The following THSD4 variants were observed in gnomAD, a reference collection of about 807,000 sequenced individuals.
THSD4 encodes the protein thrombospondin type 1 domain containing 4, also known as thrombospondin type-1 domain-containing protein 4.
In THSD4, 69 loss-of-function variants were observed where a neutral mutation model predicts 119.0. The ratio of observed to expected loss-of-function variants is 0.58; its 90% CI spans 0.48 to 0.71. THSD4 has a LOEUF of 0.71. THSD4 is among the 30% of genes least tolerant of loss of function. THSD4 has a pLI of 0.00. For synonymous variants in THSD4, 524 were observed against 540.4 expected (o/e 0.97, Z 0.42); for missense variants, 1,393 against 1,391.1 (o/e 1.00, Z -0.02).
upstream of THSD4, among the ~76,000 whole-genome samples, chr15:71,113,373 T>C (rs1403512819): frequency 6.6e-6 from 1 of 152,230 alleles, no homozygotes; most frequent in Non-Finnish European, 1.5e-5. Context: ...ACTTTGGTTA[T>C]GTCGGATGTT....
intron 7 of THSD4, among the ~76,000 whole-genome samples, chr15:71,477,771 T>A (rs949348857): frequency 2.6e-5 from 4 of 152,130 alleles, no homozygotes; most frequent in Middle Eastern, 3.2e-3. Flanking sequence ...CCTCACACCG[T>A]CACTTTATTC....
intron 7 of THSD4, among the ~76,000 whole-genome samples, chr15:71,616,303 G>A (rs971345049): frequency 1.3e-5 from 2 of 152,144 alleles, no homozygotes; most frequent in Admixed American, 1.3e-4. Flanking sequence ...ATCTAATTGT[G>A]GAATGTCTTA....
intron 7 of THSD4, among the ~76,000 whole-genome samples, chr15:71,655,437 C>T (rs2051170885): frequency 1.3e-5 from 2 of 152,022 alleles, no homozygotes; most frequent in African/African-American, 4.8e-5. Context: ...TACAGAAGTA[C>T]GGGTGGGTCC....
At chr15:71,694,451 G>A (rs2052120750) in intron 8 of THSD4, among the ~76,000 whole-genome samples, 1 of 152,104 alleles carries the variant, frequency 6.6e-6, no homozygotes, top group African/African-American at 2.4e-5. Flanking sequence ...GCTTTTGCAA[G>A]GATTATACAT....
chr15:71,315,486 C>T (rs953411677), intron 6 of THSD4, among the ~76,000 whole-genome samples: 2 of 152,208 alleles, frequency 1.3e-5, no homozygotes, highest in African/African-American at 4.8e-5. Flanking sequence ...TAATGTAGGG[C>T]ACACAGCGGG....
At chr15:71,183,410 G>C (rs2043557046) in intron 3 of THSD4, among the ~76,000 whole-genome samples, 1 of 151,744 alleles carries the variant, frequency 6.6e-6, no homozygotes, top group African/African-American at 2.4e-5. Context: ...AGATTGCCTG[G>C]TTAATACCTC....
intron 6 of THSD4, among the ~76,000 whole-genome samples, chr15:71,313,204 G>A (rs2045136635): frequency 6.6e-6 from 1 of 151,950 alleles, no homozygotes; most frequent in African/African-American, 2.4e-5. Flanking sequence ...TTTATTTATT[G>A]CTCAAGTTAT....
At chr15:71,128,752 T>C (rs1156696337) in intron 1 of THSD4, among the ~76,000 whole-genome samples, 1 of 151,930 alleles carries the variant, frequency 6.6e-6, no homozygotes, top group Non-Finnish European at 1.5e-5. Flanking sequence ...GAAAACAAAT[T>C]TGAAAAAGAA....
intron 6 of THSD4, among the ~76,000 whole-genome samples, chr15:71,355,672 A>G (rs1246215567): frequency 6.6e-6 from 1 of 152,080 alleles, no homozygotes; most frequent in Non-Finnish European, 1.5e-5. Flanking sequence ...AGCGGAGAAC[A>G]TGTTCTTGAG....
intron 1 of THSD4, among the ~76,000 whole-genome samples, chr15:71,100,928 G>A (rs2040251338): frequency 6.6e-6 from 1 of 152,074 alleles, no homozygotes; most frequent in African/African-American, 2.4e-5. Context: ...GTTGCAGTGA[G>A]CCATGATCAC....
intron 1 of THSD4, among the ~76,000 whole-genome samples, chr15:71,107,568 T>C (rs2040279357): frequency 6.6e-6 from 1 of 152,226 alleles, no homozygotes; most frequent in African/African-American, 2.4e-5. Flanking sequence ...CATTGTGTGG[T>C]ATTTTCCACT....
intron 3 of THSD4, among the ~76,000 whole-genome samples, chr15:71,203,677 G>C (rs2043821228): frequency 6.6e-6 from 1 of 152,048 alleles, no homozygotes; most frequent in African/African-American, 2.4e-5. Context: ...AAATACCTTT[G>C]GTGTTACAGG....
At chr15:71,629,923 C>G (rs1019606210) in intron 7 of THSD4, among the ~76,000 whole-genome samples, 3 of 152,176 alleles carry the variant, frequency 2.0e-5, no homozygotes, top group Non-Finnish European at 4.4e-5. Flanking sequence ...CCCTTGGAGG[C>G]GCCTTTGTAC....
chr15:71,487,567 CTTT>C (rs1210188156), intron 7 of THSD4, among the ~76,000 whole-genome samples: 1 of 152,166 alleles, frequency 6.6e-6, no homozygotes, highest in Non-Finnish European at 1.5e-5. Context: ...AAAAAATCTT[CTTT>C]GACTTATGTT....
chr15:71,647,973 G>A (rs376452394), intron 7 of THSD4, among the ~76,000 whole-genome samples: 11 of 152,256 alleles, frequency 7.2e-5, no homozygotes, highest in African/African-American at 2.4e-4. Context: ...AGATATAAGC[G>A]TATAGGTGGC....
In THSD4 at chr15:71,762,178, C is replaced by CACACACACAG. The variant is rs55645600; in HGVS notation, c.2590-2841_2590-2840insCACACACAGA. Among the ~76,000 whole-genome samples the CACACACACAG allele has an allele frequency of 1.2e-3, 172 of 147,598 alleles. 13 individuals are homozygous for CACACACACAG. Among genetic ancestry groups the CACACACACAG allele is most frequent in the Admixed American group, 1.8e-3 (27 of 14,814 alleles). On this transcript the variant is annotated intron_variant, in intron 15 of 17. Transcript: ENST00000261862. ...ACACACACACACACACACACACACA[C>CACACACACAG]AGAGATAGAGATACACACACATGAA...
At chr15:71,193,856 G>T (rs1450239372) in intron 3 of THSD4, among the ~76,000 whole-genome samples, 14 of 152,022 alleles carry the variant, frequency 9.2e-5, no homozygotes, top group Admixed American at 7.2e-4. Flanking sequence ...GACTACAGGC[G>T]CCCGCCGCCA....
At chr15:71,143,444 G>A (rs2040624406) in intron 2 of THSD4, among the ~76,000 whole-genome samples, 1 of 152,042 alleles carries the variant, frequency 6.6e-6, no homozygotes, top group Non-Finnish European at 1.5e-5. Flanking sequence ...AGGACCCCAT[G>A]TAGGACAAAG....
chr15:71,260,874 G>T (rs368976986), intron 6 of THSD4, among the ~76,000 whole-genome samples: 1 of 152,198 alleles, frequency 6.6e-6, no homozygotes, highest in African/African-American at 2.4e-5. Flanking sequence ...GCTGAGGCAG[G>T]TTGATCACCT....
Sources: gnomAD v4.1 joint callset for allele counts (sites outside exome capture counted in the v4.1 genomes callset) on GRCh38, gnomAD v4.1.1 for gene constraint, MANE v1.5 for transcripts, NCBI Gene and HGNC (gene_info 2026-07-23, HGNC 2026-07-21) for gene names.